Variants in PTPRM observed in about 807,000 individuals in gnomAD.
The protein encoded by PTPRM is protein tyrosine phosphatase receptor type M.
Under a neutral mutation model 186.7 loss-of-function variants are expected in PTPRM, and 47 were observed. That is an observed-to-expected ratio of 0.25 (90% CI 0.20 to 0.32). The LOEUF (loss-of-function observed/expected upper bound fraction) is 0.32, where lower values mean the gene tolerates loss of function less well. Ranked by LOEUF, PTPRM falls within the 10% of genes least tolerant of loss-of-function variation. The pLI, the probability that PTPRM is intolerant of heterozygous loss-of-function variation, is 1.00. For missense variants in PTPRM, 1,494 were observed against 1,865.0 expected, an observed-to-expected ratio of 0.80 and a Z score of 3.66; for synonymous variants, 668 against 674.9, an observed-to-expected ratio of 0.99 and a Z score of 0.16.
intron 7 of PTPRM, among the ~76,000 whole-genome samples, chr18:7,984,323 G>A (rs2082715290): frequency 6.6e-6 from 1 of 151,704 alleles, no homozygotes; most frequent in Non-Finnish European, 1.5e-5. Context: ...CAGGAAGCTT[G>A]GGTTCAAAGA....
intron 2 of PTPRM, among the ~76,000 whole-genome samples, chr18:7,855,541 A>G (rs2047056103): frequency 6.6e-6 from 1 of 152,210 alleles, no homozygotes; most frequent in African/African-American, 2.4e-5. Context: ...CCTTCCTTTG[A>G]ATTCCATTTC....
intron 1 of PTPRM, among the ~76,000 whole-genome samples, chr18:7,737,841 T>G (rs1240239908): frequency 1.3e-5 from 2 of 152,210 alleles, no homozygotes; most frequent in Non-Finnish European, 2.9e-5. Flanking sequence ...GCTCTGCTCC[T>G]TCTCCCCAGG....
Position 8,313,656 on chromosome 18 carries a change from T to C in PTPRM, c.2843-1125T>C, listed in dbSNP as rs189419689. ...TGTTTGGCTACATGAATGAGTTCTTTAGTGGTGATTTCTGAGATTTTGGCG... is the reference window on the plus strand; with the variant it reads ...TGTTTGGCTACATGAATGAGTTCTTCAGTGGTGATTTCTGAGATTTTGGCG... On this transcript the variant is annotated intron_variant, in intron 20 of 32. Coordinates refer to ENST00000580170, the MANE Select transcript of PTPRM (RefSeq NM_001105244.2). Among the ~76,000 whole-genome samples, 300 of 152,106 alleles carry C rather than the reference T, an allele frequency of 2.0e-3. 1 individual carries two copies. Among genetic ancestry groups the C allele is most frequent in the African/African-American group, 6.4e-3 (266 of 41,478 alleles).
rs572926006 is a variant in PTPRM, at chr18:8,073,576, T to C, written c.1442-2879T>C. Among the ~76,000 whole-genome samples the C allele has an allele frequency of 3.9e-5, 6 of 152,344 alleles. No homozygotes were observed. The South Asian group carries it at 1.2e-3, about 32-fold the overall frequency. On this transcript the variant is annotated intron_variant, in intron 8 of 32. Transcript: ENST00000580170. Reference sequence around the variant, plus strand: ...CTTCAACATAGGACTAACAATTATTTTCATATTTATGTGCTATTTAGGGTT... The same window carrying C: ...CTTCAACATAGGACTAACAATTATTCTCATATTTATGTGCTATTTAGGGTT...
At chr18:7,736,191 CTTA>C (rs1330445907) in intron 1 of PTPRM, among the ~76,000 whole-genome samples, 1 of 152,094 alleles carries the variant, frequency 6.6e-6, no homozygotes, top group Admixed American at 6.5e-5. Context: ...GACAAGTGAC[CTTA>C]GTCACTAAGT....
chr18:7,810,169 C>A (rs1568162407), intron 2 of PTPRM, among the ~76,000 whole-genome samples: 1 of 152,186 alleles, frequency 6.6e-6, no homozygotes, highest in Non-Finnish European at 1.5e-5. Context: ...TTTGTCACCG[C>A]CCCCACCACC....
chr18:7,842,930 G>GTATATATATATA lies in PTPRM; in HGVS notation c.197-45169_197-45158dup, dbSNP rs1555616949. ...CTCATATGTGTGTGTGTGTGTGTGT[G>GTATATATATATA]TATATATATATATATATAGAGAGAG... On this transcript the variant is annotated intron_variant, in intron 2 of 32. Coordinates refer to ENST00000580170, the MANE Select transcript of PTPRM (RefSeq NM_001105244.2). 4.9e-4 allele frequency among the ~76,000 whole-genome samples: 49 copies of GTATATATATATA among 100,924 alleles called. 1 individual carries two copies. Among genetic ancestry groups the GTATATATATATA allele is most frequent in the East Asian group, 2.1e-3 (6 of 2,812 alleles). The allele number at this position is 100,924 out of a possible 152,430, so 66.2% of individuals were successfully genotyped here.
At chr18:7,751,273 T>C (rs927418964) in intron 1 of PTPRM, 3 of 152,326 alleles carry the variant, frequency 2.0e-5, no homozygotes, top group African/African-American at 7.2e-5. Flanking sequence ...CGGATGTGTC[T>C]CCAGTCGCTT....
At chr18:8,257,502 C>T (rs1601510967) in intron 19 of PTPRM, among the ~76,000 whole-genome samples, 1 of 152,092 alleles carries the variant, frequency 6.6e-6, no homozygotes, top group East Asian at 1.9e-4. Flanking sequence ...GGCACACAGG[C>T]AATGCTTAAA....
intron 21 of PTPRM, among the ~76,000 whole-genome samples, chr18:8,317,720 A>G (rs1416237509): frequency 6.6e-6 from 1 of 152,172 alleles, no homozygotes; most frequent in African/African-American, 2.4e-5. Flanking sequence ...AAGGGGATTG[A>G]TTATACTCAT....
chr18:7,591,777 G>T (rs916528524), intron 1 of PTPRM, among the ~76,000 whole-genome samples: 10 of 152,138 alleles, frequency 6.6e-5, no homozygotes, highest in Admixed American at 5.9e-4. Context: ...GAAAACGAAA[G>T]ATAATAAATA....
chr18:8,045,272 T>C (rs1326315310), intron 7 of PTPRM, among the ~76,000 whole-genome samples: 1 of 152,056 alleles, frequency 6.6e-6, no homozygotes, highest in African/African-American at 2.4e-5. Context: ...CACTTGAGCC[T>C]GGGAGGCGGA....
At chr18:8,405,245 C>T (rs2095898405) in intron 32 of PTPRM, 1 of 152,040 alleles carries the variant, frequency 6.6e-6, no homozygotes, top group African/African-American at 2.4e-5. Context: ...CCCAGAGGAT[C>T]TCAAACATTT....
rs1335136064 is a variant in PTPRM, at chr18:7,955,132, C to T, written c.850C>T (p.Pro284Ser). 1 of 1,602,940 alleles carries T rather than the reference C, an allele frequency of 6.2e-7. No individual in the cohort carries two copies. Among genetic ancestry groups the T allele is most frequent in the Non-Finnish European group, 8.5e-7 (1 of 1,171,234 alleles). ...GGTTTGTCTTTCAGAACCACCCGTT[C>T]CTATTGCCCCACCTCAGCTCGCCTC... ...AELVVKEPPV[P>S]IAPPQLASVG... The change falls in exon 7 of 33, where the codon CCT (proline) becomes TCT (serine). Residue 284 changes from proline to serine, a missense_variant. Pro to Ser is a moderately conservative substitution (Grantham distance 74). This residue lies in a region of PTPRM where 91 missense variants were observed against 169.3 expected (regional missense o/e 0.54). Coordinates refer to ENST00000580170, the MANE Select transcript of PTPRM (RefSeq NM_001105244.2).
chr18:7,656,752 A>G (rs2038858781), intron 1 of PTPRM, among the ~76,000 whole-genome samples: 1 of 152,122 alleles, frequency 6.6e-6, no homozygotes, highest in South Asian at 2.1e-4. Context: ...GGAACTAGGA[A>G]AAGTTCTCAT....
intron 19 of PTPRM, among the ~76,000 whole-genome samples, chr18:8,276,033 C>G (rs1323647266): frequency 6.6e-6 from 1 of 152,074 alleles, no homozygotes; most frequent in African/African-American, 2.4e-5. Flanking sequence ...ACGCCACTGT[C>G]TTTGTTGCGG....
chr18:7,786,352 C>A (rs964335409), intron 2 of PTPRM, among the ~76,000 whole-genome samples: 1 of 152,092 alleles, frequency 6.6e-6, no homozygotes, highest in African/African-American at 2.4e-5. Flanking sequence ...GAGAGGGTGT[C>A]ACTGGAAATT....
chr18:8,388,255 T>A (rs1429944218), intron 31 of PTPRM, among the ~76,000 whole-genome samples: 1 of 152,230 alleles, frequency 6.6e-6, no homozygotes, highest in Non-Finnish European at 1.5e-5. Flanking sequence ...GATAAGCGAA[T>A]GTCACTTTTC....
At chr18:7,884,758 A>G (rs1424192320) in intron 2 of PTPRM, among the ~76,000 whole-genome samples, 1 of 151,758 alleles carries the variant, frequency 6.6e-6, no homozygotes, top group Non-Finnish European at 1.5e-5. Flanking sequence ...CCTTGTCTCT[A>G]CTAAAAATAC....
Sources: allele counts gnomAD v4.1 joint callset (sites outside exome capture counted in the v4.1 genomes callset), GRCh38; gene constraint gnomAD v4.1.1; regional missense constraint gnomAD v4.1.1; transcripts MANE v1.5; gene names NCBI Gene and HGNC (gene_info 2026-07-23, HGNC 2026-07-21).